DNM3: variants seen among roughly 807,000 people sequenced by gnomAD.
The protein encoded by DNM3 is dynamin 3, also known as dynamin-3.
Under a neutral mutation model 101.6 loss-of-function variants are expected in DNM3, and 47 were observed. That is an observed-to-expected ratio of 0.46 (90% CI 0.37 to 0.59). DNM3 has a LOEUF of 0.59. Among genes scored for constraint, DNM3 ranks in the 20% least tolerant of loss-of-function variants. DNM3 has a pLI of 0.00. For missense variants in DNM3, 849 were observed against 1,085.7 expected, an observed-to-expected ratio of 0.78 and a Z score of 3.06; for synonymous variants, 385 against 387.9, an observed-to-expected ratio of 0.99 and a Z score of 0.09.
At chr1:172,085,333 GTTCCT>G (rs928586452) in intron 12 of DNM3, among the ~76,000 whole-genome samples, 3 of 151,706 alleles carry the variant, frequency 2.0e-5, no homozygotes, top group South Asian at 2.1e-4. Flanking sequence ...TGGCCCAATT[GTTCCT>G]TCATTCACTT....
rs114375256 is a variant in DNM3 at position 172,124,427 on chromosome 1, G to A, written c.1546-6748G>A. Among the ~76,000 whole-genome samples the A allele has an allele frequency of 3.0e-4, 46 of 152,294 alleles. No homozygotes were observed. The East Asian group carries it at 5.8e-3, about 19-fold the overall frequency. On this transcript the variant is annotated intron_variant, in intron 13 of 20. Coordinates refer to ENST00000627582, the MANE Select transcript of DNM3 (RefSeq NM_015569.5). ...CAGTTACCCACCAGGATATTTTTTAGTTGCCTTCCTTTTCCATACAGCATA... is the reference window on the plus strand; with the variant it reads ...CAGTTACCCACCAGGATATTTTTTAATTGCCTTCCTTTTCCATACAGCATA...
chr1:172,396,119 C>T (rs1041554758), intron 20 of DNM3, among the ~76,000 whole-genome samples: 1 of 152,224 alleles, frequency 6.6e-6, no homozygotes, highest in African/African-American at 2.4e-5. Flanking sequence ...ATAGCAAACA[C>T]TCTAATTTCT....
intron 1 of DNM3, among the ~76,000 whole-genome samples, chr1:171,872,390 T>C (rs1442072323): frequency 6.6e-6 from 1 of 152,192 alleles, no homozygotes; most frequent in African/African-American, 2.4e-5. Context: ...TATTTAGATC[T>C]GGTCTTCCTA....
chr1:171,989,110 C>T lies in DNM3; in HGVS notation c.551C>T (p.Ser184Leu). The T allele has an allele frequency of 6.2e-7, 1 of 1,613,106 alleles. No individual in the cohort carries two copies. Among genetic ancestry groups the T allele is most frequent in the Non-Finnish European group, 8.5e-7 (1 of 1,179,404 alleles). The stretch of plus-strand genomic sequence containing the variant: ...CCAGCCAACACTGATCTTGCAAACT[C>T]AGATGCGCTGAAGCTAGCTAAAGAA... ...VTPANTDLAN[S>L]DALKLAKEVD... is the part of the protein sequence containing the mutation. Residue 184 changes from serine to leucine, a missense_variant, in exon 4 of 21, where the codon TCA (serine) becomes TTA (leucine). Physicochemically the swap from Ser to Leu is moderately radical, Grantham distance 145 (BLOSUM62 -2). Around this residue, in one of 5 missense-constraint regions of DNM3, gnomAD observed 388 missense variants for 483.0 expected, o/e 0.80. Coordinates refer to ENST00000627582, the MANE Select transcript of DNM3 (RefSeq NM_015569.5).
At chr1:172,241,961 A>G (rs1290800796) in intron 14 of DNM3, among the ~76,000 whole-genome samples, 1 of 152,184 alleles carries the variant, frequency 6.6e-6, no homozygotes, top group African/African-American at 2.4e-5. Flanking sequence ...GAGATAGCCC[A>G]TCTTCAGAAT....
chr1:172,038,176 G>A (rs1365887562), intron 6 of DNM3, 143 bp from the exon 7 acceptor site: 2 of 1,051,070 alleles, frequency 1.9e-6, no homozygotes, highest in Non-Finnish European at 2.8e-6. Flanking sequence ...CTACATAATA[G>A]TCAATGTCAA....
intron 1 of DNM3, among the ~76,000 whole-genome samples, chr1:171,888,335 A>G (rs1350081560): frequency 6.6e-6 from 1 of 152,090 alleles, no homozygotes; most frequent in Admixed American, 6.6e-5. Context: ...GTAGGGGGGG[A>G]ATAATGTCAT....
In DNM3 at chr1:171,978,229, G is replaced by T. The variant is rs1230854502; in HGVS notation, c.236-9427G>T. Among the ~76,000 whole-genome samples the T allele has an allele frequency of 5.3e-5, 8 of 152,238 alleles. No individual in the cohort carries two copies. The South Asian group carries it at 1.5e-3, about 28-fold the overall frequency. On this transcript the variant is annotated intron_variant, in intron 2 of 20. Coordinates refer to ENST00000627582, the MANE Select transcript of DNM3 (RefSeq NM_015569.5). The stretch of plus-strand genomic sequence containing the variant: ...ACAAATACGAAAAACTTCAGACAGT[G>T]ACCATGTGCACCGAAGAAAAAAACT...
At chr1:172,238,706 G>T (rs901364491) in intron 14 of DNM3, among the ~76,000 whole-genome samples, 1 of 151,962 alleles carries the variant, frequency 6.6e-6, no homozygotes, top group African/African-American at 2.4e-5. Flanking sequence ...GGGAAGCTTT[G>T]TTGGGATATA....
At chr1:172,231,902 A>G (rs1471174821) in intron 14 of DNM3, among the ~76,000 whole-genome samples, 1 of 152,212 alleles carries the variant, frequency 6.6e-6, no homozygotes, top group East Asian at 1.9e-4. Context: ...AAAAAGGAAT[A>G]GAAAGAAACA....
chr1:172,214,543 C>T (rs899306291), intron 14 of DNM3, among the ~76,000 whole-genome samples: 6 of 151,986 alleles, frequency 3.9e-5, no homozygotes, highest in Non-Finnish European at 5.9e-5. Flanking sequence ...AATTGGCATA[C>T]GGTGAATATA....
At chr1:172,091,568 T>C (rs2053910315) in intron 12 of DNM3, among the ~76,000 whole-genome samples, 1 of 151,874 alleles carries the variant, frequency 6.6e-6, no homozygotes, top group African/African-American at 2.4e-5. Context: ...GTGTATTGGG[T>C]GGGTTTGAAA....
At position 172,106,199 on chromosome 1, in the gene DNM3, C is replaced by A. The variant is rs182071211; in HGVS notation, c.1545+13324C>A. ...ACTTTGGGAGGCCAAGGCAGGCAGA[C>A]CATTTGAGGTCAGGAGTTTGAGACC... On this transcript the variant is annotated intron_variant, in intron 13 of 20. Transcript: ENST00000627582. Among the ~76,000 whole-genome samples the A allele has an allele frequency of 1.2e-3, 180 of 152,064 alleles. No homozygotes were observed. The Middle Eastern group carries it at 0.014, about 11-fold the overall frequency.
intron 17 of DNM3, among the ~76,000 whole-genome samples, chr1:172,346,045 C>A (rs2066914410): frequency 6.7e-6 from 1 of 148,204 alleles, no homozygotes; most frequent in Non-Finnish European, 1.5e-5. Context: ...ATGGCGTGAA[C>A]CTGGGAGGCG....
chr1:172,194,678 G>GCA (rs1411693100), intron 14 of DNM3, among the ~76,000 whole-genome samples: 1 of 151,984 alleles, frequency 6.6e-6, no homozygotes, highest in Non-Finnish European at 1.5e-5. Context: ...GACTAGGATT[G>GCA]CAACCCCTAC....
intron 14 of DNM3, among the ~76,000 whole-genome samples, chr1:172,158,559 G>T (rs2058429649): frequency 6.9e-6 from 1 of 144,072 alleles, no homozygotes; most frequent in South Asian, 2.2e-4. Context: ...TGAGTGAGAT[G>T]GATGATGGAG....
intron 14 of DNM3, among the ~76,000 whole-genome samples, chr1:172,177,855 T>C (rs2059207952): frequency 6.6e-6 from 1 of 151,884 alleles, no homozygotes; most frequent in African/African-American, 2.4e-5. Context: ...CTCAGTATTA[T>C]CCTGTGGTAA....
chr1:172,363,173 A>G (rs995921619), intron 17 of DNM3, among the ~76,000 whole-genome samples: 1 of 151,610 alleles, frequency 6.6e-6, no homozygotes, highest in Non-Finnish European at 1.5e-5. Context: ...TTTTCTGTAC[A>G]CTCATTGCTT....
intron 15 of DNM3, among the ~76,000 whole-genome samples, chr1:172,280,065 C>G (rs978949067): frequency 4.6e-5 from 7 of 152,094 alleles, no homozygotes; most frequent in African/African-American, 1.7e-4. Flanking sequence ...CACCCTGCTC[C>G]AGTGATACTG....
Sources: gnomAD v4.1 joint callset for allele counts (sites outside exome capture counted in the v4.1 genomes callset) on GRCh38, gnomAD v4.1.1 for gene constraint, gnomAD v4.1.1 regional missense constraint, MANE v1.5 for transcripts, NCBI Gene and HGNC (gene_info 2026-07-23, HGNC 2026-07-21) for gene names.